The following SNAP23 variants were observed in gnomAD, a reference collection of about 807,000 sequenced individuals.
SNAP23 encodes the protein synaptosome associated protein 23.
A neutral mutation model predicts 29.0 loss-of-function variants in SNAP23; 11 were observed. That is an observed-to-expected ratio of 0.38 (90% confidence interval 0.24 to 0.63). SNAP23 has a LOEUF of 0.63. Ranked by LOEUF, SNAP23 falls within the 20% of genes least tolerant of loss-of-function variation. The probability of loss-of-function intolerance (pLI) is 0.58; values close to 1 mark genes in which losing one functional copy is unlikely to be tolerated. For missense variants in SNAP23, 220 were observed against 253.9 expected, an observed-to-expected ratio of 0.87 and a Z score of 0.91; for synonymous variants, 60 against 82.9, an observed-to-expected ratio of 0.72 and a Z score of 1.50.
chr15:42,528,143 C>A, intron 5 of SNAP23, 119 bp from the exon 6 acceptor site: 1 of 624,828 alleles, frequency 1.6e-6, no homozygotes, highest in Non-Finnish European at 2.6e-6. Flanking sequence ...CTAGACTTAG[C>A]TGTATGCAGC....
At chr15:42,528,497 G>A (rs971695344) in intron 6 of SNAP23, 77 bp downstream of exon 6, 2 of 1,325,188 alleles carry the variant, frequency 1.5e-6, no homozygotes, top group East Asian at 4.6e-5. Context: ...AGCAGTACAT[G>A]ACCCCTAATA....
At chr15:42,531,207 T>C (rs1036249199) in intron 7 of SNAP23, among the ~76,000 whole-genome samples, 2 of 152,230 alleles carry the variant, frequency 1.3e-5, no homozygotes, top group East Asian at 3.8e-4. Context: ...CAAGGTCTTA[T>C]ATGTTACACC....
At chr15:42,528,523 G>A in intron 6 of SNAP23, 103 bp downstream of exon 6, 2 of 1,119,754 alleles carry the variant, frequency 1.8e-6, no homozygotes, top group Non-Finnish European at 2.5e-6. Flanking sequence ...AATAAAAATT[G>A]TATTTATTCC....
chr15:42,527,696 G>A (rs2141555971), intron 5 of SNAP23, among the ~76,000 whole-genome samples: 1 of 151,738 alleles, frequency 6.6e-6, no homozygotes, highest in Middle Eastern at 3.4e-3. Context: ...GTGTTGCCCT[G>A]GCTGATCTTA....
chr15:42,513,420 AC>A lies in SNAP23; in HGVS notation c.123del (p.Ile42SerfsTer11). On this transcript the variant is annotated frameshift_variant, in exon 4 of 8. Transcript: ENST00000249647. LOFTEE classifies it high-confidence loss of function. Reference protein sequence around the residue: ...AIESQDAGIKTITMLDEQKEQ... With the variant: ...AIESQDAGIKXITMLDEQKEQ... ...TTAGTCTCAGGATGCAGGAATCAAG[AC>A]CATCACTATGCTGGATGAACAAAAG... is the stretch of plus-strand genomic sequence containing the variant. The A allele has an allele frequency of 6.2e-7, 1 of 1,613,892 alleles. No individual in the cohort carries two copies. Among genetic ancestry groups the A allele is most frequent in the Non-Finnish European group, 8.5e-7 (1 of 1,179,792 alleles).
At chr15:42,502,889 C>T (rs2057286031) in intron 1 of SNAP23, among the ~76,000 whole-genome samples, 1 of 152,150 alleles carries the variant, frequency 6.6e-6, no homozygotes, top group African/African-American at 2.4e-5. Flanking sequence ...TTGACAGGGA[C>T]TTGAAGACCA....
At chr15:42,493,954 A>G (rs1353238659), upstream of SNAP23, among the ~76,000 whole-genome samples, 2 of 151,876 alleles carry the variant, frequency 1.3e-5, no homozygotes, top group African/African-American at 4.8e-5. Flanking sequence ...TTCCAAAACC[A>G]TTATTCTTAC....
chr15:42,493,910 T>C (rs1325670822), upstream of SNAP23, among the ~76,000 whole-genome samples: 1 of 151,556 alleles, frequency 6.6e-6, no homozygotes, highest in African/African-American at 2.4e-5. Flanking sequence ...TGGGGAAATA[T>C]CTCCTCTCTC....
At chr15:42,512,765 G>C (rs778963708) in intron 2 of SNAP23, among the ~76,000 whole-genome samples, 190 bp from the exon 3 acceptor site, 2 of 151,044 alleles carry the variant, frequency 1.3e-5, no homozygotes. Flanking sequence ...GTCTGGGCTG[G>C]TCTTGAGCTC....
rs895983138 is a variant in SNAP23, at chr15:42,531,593, T to G, written c.*115T>G. ...ACGCTCTTCTAATTGGGAGATAATA[T>G]GGAAGAAGGGCCAGAGCAGTTACAG... On this transcript the variant is annotated 3_prime_UTR_variant, in exon 8 of 8. Transcript: ENST00000249647. 1 of 735,140 alleles carries G rather than the reference T, an allele frequency of 1.4e-6. No individual in the cohort carries two copies. Among genetic ancestry groups the G allele is most frequent in the Non-Finnish European group, 2.2e-6 (1 of 452,300 alleles). The allele number at this position is 735,140 out of a possible 1,614,324, so 45.5% of individuals were successfully genotyped here. A position where few individuals can be genotyped will look rare whatever the true frequency, so the allele number is the denominator to read the frequency against.
chr15:42,512,882 C>T, intron 2 of SNAP23, 73 bp from the exon 3 acceptor site: 2 of 1,132,624 alleles, frequency 1.8e-6, no homozygotes, highest in Non-Finnish European at 1.3e-6. Flanking sequence ...AGAATAGCAT[C>T]ATGAATTTGG....
At chr15:42,528,710 C>T (rs747426180) in intron 6 of SNAP23, among the ~76,000 whole-genome samples, 8 of 152,044 alleles carry the variant, frequency 5.3e-5, no homozygotes, top group African/African-American at 1.4e-4. Context: ...CTCAGCCTTC[C>T]GAGTAGCTGG....
At chr15:42,505,369 G>C (rs2057308476) in intron 1 of SNAP23, 1 of 151,576 alleles carries the variant, frequency 6.6e-6, no homozygotes, top group African/African-American at 2.4e-5. Context: ...CTGGCCTGAT[G>C]GTGATTTAAA....
intron 6 of SNAP23, 70 bp downstream of exon 6, chr15:42,528,490 A>T: frequency 1.4e-6 from 2 of 1,408,994 alleles, no homozygotes; most frequent in South Asian, 2.4e-5. Flanking sequence ...TGAGTTTAGC[A>T]GTACATGACC....
chr15:42,528,051 T>A (rs975138256), intron 5 of SNAP23: 5 of 473,982 alleles, frequency 1.1e-5, no homozygotes, highest in African/African-American at 5.7e-5. Flanking sequence ...TGGACCTTTT[T>A]AAAATTTTTT....
chr15:42,526,257 A>C (rs1374056555), intron 5 of SNAP23, among the ~76,000 whole-genome samples: 1 of 152,232 alleles, frequency 6.6e-6, no homozygotes. Flanking sequence ...ATTATTAACA[A>C]AGAATACATG....
chr15:42,512,672 C>T (rs191167959), intron 2 of SNAP23, among the ~76,000 whole-genome samples: 26 of 152,180 alleles, frequency 1.7e-4, no homozygotes, highest in East Asian at 1.5e-3. Flanking sequence ...CCACCACACC[C>T]GGCCATTGTT....
intron 7 of SNAP23, 35 bp from the exon 8 acceptor site, chr15:42,531,378 T>A (rs773498856): frequency 1.4e-6 from 2 of 1,426,126 alleles, no homozygotes; most frequent in African/African-American, 2.9e-5. Context: ...TAGAGTTACT[T>A]ACCTTGTAAA....
chr15:42,497,468 CA>C (rs1273762072), intron 1 of SNAP23, among the ~76,000 whole-genome samples: 1 of 152,050 alleles, frequency 6.6e-6, no homozygotes, highest in Admixed American at 6.5e-5. Flanking sequence ...CTCCGCCTCC[CA>C]AAGTGCTGGG....
Sources: gnomAD v4.1 joint callset for allele counts (sites outside exome capture counted in the v4.1 genomes callset) on GRCh38, gnomAD v4.1.1 for gene constraint, MANE v1.5 for transcripts, NCBI Gene and HGNC (gene_info 2026-07-23, HGNC 2026-07-21) for gene names.